Variants in LRP1B observed in about 807,000 individuals in gnomAD.
LRP1B encodes the protein low-density lipoprotein receptor-related protein 1B.
Under a neutral mutation model 556.6 loss-of-function variants are expected in LRP1B, and 217 were observed. The observed-to-expected ratio is 0.39, with a 90% CI of 0.35 to 0.44. The LOEUF (loss-of-function observed/expected upper bound fraction) is 0.44. LRP1B is among the 20% of genes least tolerant of loss of function. The pLI is 1.00. For missense variants in LRP1B, 5,053 were observed against 5,620.8 expected, an observed-to-expected ratio of 0.90 and a Z score of 3.23; for synonymous variants, 2,047 against 1,865.8, an observed-to-expected ratio of 1.10 and a Z score of -2.50.
chr2:141,681,391 G>C (rs1434462643), intron 2 of LRP1B, among the ~76,000 whole-genome samples: 1 of 151,974 alleles, frequency 6.6e-6, no homozygotes, highest in African/African-American at 2.4e-5. Flanking sequence ...AGTAATATGA[G>C]AACCTGGCTA....
rs1680544879 is a variant in LRP1B, at chr2:140,233,231, C to G, written c.13755G>C (p.Leu4585=). The change falls in exon 91 of 91, where the codon CTG becomes CTC. Residue 4585 remains leucine (L), a synonymous_variant. Transcript: ENST00000389484. The stretch of plus-strand genomic sequence containing the variant: ...TACCAATTTCTATTTTCTTTGGAAG[C>G]AGTTCTTTCCTTTCATCAACACTTC... The part of the protein sequence containing the change: ...SLGSVDERKE[L]LPKKIEIGIR... 1 of 1,605,188 alleles carries G rather than the reference C, an allele frequency of 6.2e-7. No homozygotes were observed.
chr2:140,698,737 T>C lies in LRP1B; in HGVS notation c.6799+1513A>G, dbSNP rs1686524634. On this transcript the variant is annotated intron_variant, in intron 41 of 90. Coordinates refer to ENST00000389484, the MANE Select transcript of LRP1B (RefSeq NM_018557.3). ...AAGTGGTGGTTACTTAAAGGTTAGT[T>C]GCAGTGTGGAATCTGAAACCATAGT... Among the ~76,000 whole-genome samples, 4 of 152,128 alleles carry C rather than the reference T, an allele frequency of 2.6e-5. No individual in the cohort carries two copies. In the South Asian group the frequency reaches 8.3e-4, roughly 31 times the overall value.
At chr2:141,807,709 T>TCTGCTAAAAAAG (rs1410256940) in intron 2 of LRP1B, among the ~76,000 whole-genome samples, 1 of 152,116 alleles carries the variant, frequency 6.6e-6, no homozygotes, top group Non-Finnish European at 1.5e-5. Context: ...CCCTAAACTC[T>TCTGCTAAAAAAG]GTGAACTGAA....
intron 79 of LRP1B, among the ~76,000 whole-genome samples, chr2:140,331,240 CAT>C (rs1342121917): frequency 1.3e-5 from 2 of 151,970 alleles, no homozygotes; most frequent in Non-Finnish European, 2.9e-5. Context: ...ACTATGCAGC[CAT>C]AAAAAGGAAT....
chr2:141,718,965 G>A (rs1001757390), intron 2 of LRP1B, among the ~76,000 whole-genome samples: 1 of 130,064 alleles, frequency 7.7e-6, no homozygotes, highest in Non-Finnish European at 1.6e-5. Flanking sequence ...AATAAGTACT[G>A]GGTATTTTGC....
intron 2 of LRP1B, among the ~76,000 whole-genome samples, chr2:141,501,808 G>T (rs1228540086): frequency 1.3e-5 from 2 of 152,132 alleles, no homozygotes; most frequent in Non-Finnish European, 2.9e-5. Context: ...CATATTATTT[G>T]GTTGGTAGAT....
rs1218013215 is a variant in LRP1B, at chr2:140,231,872, T to G, written c.*1314A>C. ...CTCCAAAACTTGTGAATAAATCTTT[T>G]GTGCCTTTAAAGATATTTGTATAAA... On this transcript the variant is annotated 3_prime_UTR_variant, in exon 91 of 91. Transcript: ENST00000389484. The G allele has an allele frequency of 1.3e-5, 2 of 151,840 alleles. No homozygotes were observed. The highest frequency in any genetic ancestry group is 3.0e-5 in the Non-Finnish European group (2 of 67,598). The allele number at this position is 151,840 out of a possible 1,614,324, so 9.4% of individuals were successfully genotyped here. A position where few individuals can be genotyped will look rare whatever the true frequency, so the allele number is the denominator to read the frequency against.
intron 41 of LRP1B, among the ~76,000 whole-genome samples, chr2:140,625,981 C>T (rs187371730): frequency 3.3e-5 from 5 of 152,242 alleles, no homozygotes; most frequent in Non-Finnish European, 5.9e-5. Context: ...CAAGATGTCT[C>T]TCAATAGGTA....
intron 3 of LRP1B, among the ~76,000 whole-genome samples, chr2:141,282,965 G>T (rs554867572): frequency 1.3e-4 from 20 of 152,164 alleles, no homozygotes; most frequent in African/African-American, 4.6e-4. Flanking sequence ...TATCATTTGT[G>T]GTTCATTTGT....
chr2:140,317,924 C>CTATAATGAAAAAGA (rs1454291870), intron 82 of LRP1B, among the ~76,000 whole-genome samples: 1 of 149,196 alleles, frequency 6.7e-6, no homozygotes, highest in Non-Finnish European at 1.5e-5. Context: ...AATAATGGTT[C>CTATAATGAAAAAGA]TATAATGAAA....
At chr2:141,572,576 TAAC>T (rs1385635825) in intron 2 of LRP1B, among the ~76,000 whole-genome samples, 11 of 152,042 alleles carry the variant, frequency 7.2e-5, no homozygotes, top group Admixed American at 3.3e-4. Flanking sequence ...AGTTCACACA[TAAC>T]AACAATAATC....
chr2:141,892,635 T>A (rs1699324394), intron 1 of LRP1B, among the ~76,000 whole-genome samples: 1 of 152,154 alleles, frequency 6.6e-6, no homozygotes, highest in South Asian at 2.1e-4. Flanking sequence ...TTAATTAATT[T>A]AACATTCATA....
At chr2:142,024,621 T>TTG (rs1491371076) in intron 1 of LRP1B, among the ~76,000 whole-genome samples, 1 of 1,318 alleles carries the variant, frequency 7.6e-4, no homozygotes, top group Non-Finnish European at 6.8e-3. Flanking sequence ...AGCTGAAATG[T>TTG]TTTTTTTTTT....
chr2:141,126,134 T>A (rs1701204076), intron 7 of LRP1B, among the ~76,000 whole-genome samples: 1 of 151,750 alleles, frequency 6.6e-6, no homozygotes, highest in Non-Finnish European at 1.5e-5. Flanking sequence ...CAGATTCAAG[T>A]GATTCTCTTG....
chr2:140,481,112 C>T (rs759861688), intron 59 of LRP1B, among the ~76,000 whole-genome samples: 4 of 152,126 alleles, frequency 2.6e-5, no homozygotes, highest in Non-Finnish European at 5.9e-5. Flanking sequence ...GTGTCCTGCC[C>T]GCCTAGGCCT....
chr2:141,826,822 C>G (rs1429909422), intron 1 of LRP1B, among the ~76,000 whole-genome samples: 1 of 152,230 alleles, frequency 6.6e-6, no homozygotes, highest in African/African-American at 2.4e-5. Context: ...AGACAAATTG[C>G]CCTCCAAATA....
intron 86 of LRP1B, among the ~76,000 whole-genome samples, chr2:140,249,948 G>A (rs952247688): frequency 4.0e-5 from 6 of 151,874 alleles, no homozygotes; most frequent in East Asian, 1.9e-4. Context: ...CCAATTCCCC[G>A]CTGAATTATT....
intron 27 of LRP1B, among the ~76,000 whole-genome samples, chr2:140,860,201 C>G (rs537756019): frequency 2.0e-5 from 3 of 151,768 alleles, no homozygotes; most frequent in African/African-American, 7.3e-5. Flanking sequence ...TTTATTCACT[C>G]GTTCATTCAT....
chr2:141,189,857 A>T (rs1401810863), intron 6 of LRP1B, among the ~76,000 whole-genome samples: 3 of 151,924 alleles, frequency 2.0e-5, no homozygotes, highest in Non-Finnish European at 2.9e-5. Flanking sequence ...TCAGACTGCA[A>T]AGTACCTGGG....
Sources: gnomAD v4.1 joint callset for allele counts (sites outside exome capture counted in the v4.1 genomes callset) on GRCh38, gnomAD v4.1.1 for gene constraint, MANE v1.5 for transcripts, NCBI Gene and HGNC (gene_info 2026-07-23, HGNC 2026-07-21) for gene names.